Variants in LRRC37A2 observed in about 807,000 individuals in gnomAD.
LRRC37A2 encodes the protein leucine-rich repeat-containing protein 37A2.
A neutral mutation model predicts 68.8 loss-of-function variants in LRRC37A2; 9 were observed. The observed-to-expected ratio is 0.13, with a 90% CI of 0.08 to 0.23. The LOEUF (loss-of-function observed/expected upper bound fraction) is 0.23. Among genes scored for constraint, LRRC37A2 ranks in the 10% least tolerant of loss-of-function variants. LRRC37A2 has a pLI of 1.00. For synonymous variants in LRRC37A2, 63 were observed against 367.6 expected (o/e 0.17, Z 9.48); for missense variants, 168 against 950.4 (o/e 0.18, Z 10.82).
At chr17:47,046,353 TC>T in the LRRC37A2 span, among the ~76,000 whole-genome samples, 1 of 95,378 alleles carries the variant, frequency 1.0e-5, no homozygotes, top group Non-Finnish European at 2.1e-5. Context: ...ATAATAATTT[TC>T]CGCTTGGTAA....
Position 46,548,843 on chromosome 17 carries a change from C to G in LRRC37A2, c.3704C>G (p.Pro1235Arg), listed in dbSNP as rs768665639. 15 of 1,612,288 alleles carry G rather than the reference C, an allele frequency of 9.3e-6. No homozygotes were observed. In the East Asian group the frequency reaches 3.4e-4, roughly 36 times the overall value. Residue 1235 changes from proline (P) to arginine (R), a missense_variant, in exon 10 of 15, where the codon CCT (proline) becomes CGT (arginine). Coordinates refer to ENST00000576629, the Ensembl canonical transcript of LRRC37A2. ...GCGGGAAACGCCGTCTACACCAAGC[C>G]TTCCTTCACCCAAGAGCATAAGGCA...
chr17:46,544,813 C>G (rs866310573), intron 8 of LRRC37A2, among the ~76,000 whole-genome samples: 4 of 119,630 alleles, frequency 3.3e-5, no homozygotes, highest in Admixed American at 2.5e-4. Flanking sequence ...GGAAAAAATT[C>G]AAACAAGCCA....
chr17:47,022,166 C>CTTTTTTTTTTTTTTTTTTTTTT, the LRRC37A2 span, among the ~76,000 whole-genome samples: 154 of 15,834 alleles, frequency 9.7e-3, 42 homozygotes, highest in East Asian at 0.046. Context: ...CCTTTTTGTT[C>CTTTTTTTTTTTTTTTTTTTTTT]TCTTTTTTTT....
At chr17:46,972,462 C>T in the LRRC37A2 span, among the ~76,000 whole-genome samples, 3 of 152,332 alleles carry the variant, frequency 2.0e-5, no homozygotes, top group South Asian at 2.1e-4. Context: ...CTGGGCACCC[C>T]GAGCCCTTGC....
At chr17:46,771,990 G>C in the LRRC37A2 span, among the ~76,000 whole-genome samples, 2 of 150,674 alleles carry the variant, frequency 1.3e-5, no homozygotes, top group Non-Finnish European at 3.0e-5. Flanking sequence ...CAGACTCGCG[G>C]AAGACGCGCG....
the LRRC37A2 span, among the ~76,000 whole-genome samples, chr17:46,489,303 G>A: frequency 1.8e-4 from 16 of 87,734 alleles, 2 homozygotes; most frequent in African/African-American, 6.5e-4. Flanking sequence ...ATGCTTGGCC[G>A]ATTTTTGTAT....
At chr17:46,687,129 C>T in the LRRC37A2 span, among the ~76,000 whole-genome samples, 1 of 46,318 alleles carries the variant, frequency 2.2e-5, no homozygotes, top group South Asian at 8.8e-4. Flanking sequence ...TTTTTTTATT[C>T]CCCCTTTTCT....
chr17:46,840,996 C>T, the LRRC37A2 span, among the ~76,000 whole-genome samples: 1 of 152,182 alleles, frequency 6.6e-6, no homozygotes, highest in Non-Finnish European at 1.5e-5. Flanking sequence ...TTCTCCTTTC[C>T]TGTGCCCCTG....
the LRRC37A2 span, among the ~76,000 whole-genome samples, chr17:46,799,907 G>C: frequency 2.0e-5 from 3 of 152,176 alleles, no homozygotes; most frequent in African/African-American, 7.2e-5. Flanking sequence ...TTGCACCACA[G>C]GTGGTTCTGT....
At chr17:46,749,285 A>G in the LRRC37A2 span, among the ~76,000 whole-genome samples, 5 of 152,216 alleles carry the variant, frequency 3.3e-5, no homozygotes, top group East Asian at 3.8e-4. Context: ...AAATGTGACA[A>G]TTATGGAAAG....
At chr17:46,901,292 G>C in the LRRC37A2 span, among the ~76,000 whole-genome samples, 1 of 152,072 alleles carries the variant, frequency 6.6e-6, no homozygotes, top group South Asian at 2.1e-4. Context: ...CTCCCAAGTA[G>C]CTGGGATTAC....
chr17:46,936,306 G>T, the LRRC37A2 span: 1 of 985,120 alleles, frequency 1.0e-6, no homozygotes, highest in African/African-American at 1.7e-5. Flanking sequence ...TCACACTGAT[G>T]AAGAGCCAGT....
chr17:46,909,795 C>A, the LRRC37A2 span: 2 of 152,274 alleles, frequency 1.3e-5, no homozygotes, highest in African/African-American at 4.8e-5. Context: ...TCTCCCTCCT[C>A]CTCCCACCCA....
the LRRC37A2 span, among the ~76,000 whole-genome samples, chr17:46,836,538 C>G: frequency 6.6e-6 from 1 of 152,182 alleles, no homozygotes; most frequent in African/African-American, 2.4e-5. Flanking sequence ...TGATTAGAAA[C>G]AGTCCAAGGT....
chr17:46,760,798 A>G, the LRRC37A2 span, among the ~76,000 whole-genome samples: 2 of 152,188 alleles, frequency 1.3e-5, no homozygotes, highest in Non-Finnish European at 2.9e-5. Context: ...TCCACACCTG[A>G]CCTTGTGTGA....
chr17:46,851,435 AC>A, the LRRC37A2 span, among the ~76,000 whole-genome samples: 2 of 140,652 alleles, frequency 1.4e-5, no homozygotes, highest in African/African-American at 5.2e-5. This position sits in a 1 kb window ranked among gnomAD's most constrained non-coding sequence, Gnocchi z 4.3. Context: ...CGGCTGCCCC[AC>A]CCGCGACGGG....
chr17:46,525,614 AATC>A (rs745821194), intron 6 of LRRC37A2, among the ~76,000 whole-genome samples: 13,116 of 106,370 alleles, frequency 0.12, 390 homozygotes, highest in Middle Eastern at 0.19. Flanking sequence ...TAATAATAAT[AATC>A]ATCATCATCA....
chr17:46,838,927 G>A, the LRRC37A2 span, among the ~76,000 whole-genome samples: 4 of 152,122 alleles, frequency 2.6e-5, no homozygotes, highest in Admixed American at 1.3e-4. Flanking sequence ...GCCCAGGCTG[G>A]AGTGAAGTGG....
At chr17:46,770,361 A>T in the LRRC37A2 span, among the ~76,000 whole-genome samples, 2 of 152,188 alleles carry the variant, frequency 1.3e-5, no homozygotes, top group African/African-American at 4.8e-5. Flanking sequence ...GTTGCTGCAG[A>T]GATAAGGCAG....
Sources: gnomAD v4.1 joint callset for allele counts (sites outside exome capture counted in the v4.1 genomes callset) on GRCh38, gnomAD v4.1.1 for gene constraint, Gnocchi (gnomAD v3.1) non-coding constraint, MANE v1.5 for transcripts, NCBI Gene and HGNC (gene_info 2026-07-23, HGNC 2026-07-21) for gene names.